The following FAAH2 variants were observed in gnomAD, a reference collection of about 807,000 sequenced individuals.
FAAH2 encodes fatty acid amide hydrolase 2.
A neutral mutation model predicts 36.9 loss-of-function variants in FAAH2; 60 were observed. The observed-to-expected ratio is 1.63, with a 90% CI of 1.32 to 2.02. FAAH2 has a LOEUF of 2.02. FAAH2 is among the 30% of genes most tolerant of loss of function. FAAH2 has a pLI of 0.00. For missense variants in FAAH2, 689 were observed against 397.5 expected (o/e 1.73, Z -6.23); for synonymous variants, 214 against 143.8 (o/e 1.49, Z -3.49).
chrX:57,180,218 A>G, the FAAH2 span, among the ~76,000 whole-genome samples: 4 of 111,753 alleles, frequency 3.6e-5, no homozygotes, highest in Non-Finnish European at 5.6e-5. Context: ...AGTAGCAAAA[A>G]CAAATGAACC....
chrX:57,123,497 T>C, the FAAH2 span, among the ~76,000 whole-genome samples: 13 of 112,581 alleles, frequency 1.2e-4, no homozygotes, highest in African/African-American at 3.9e-4. Flanking sequence ...GCATGACTTA[T>C]AATCCTTTGG....
Position 57,448,615 on chromosome X carries a change from G to A in FAAH2, c.1320G>A (p.Val440=), listed in dbSNP as rs2056727751. ...AVEESLRKEL[V]DMLGDDGVFL... ...AAGAAAGCCTGCGTAAAGAGCTGGT[G>A]GATATGCTAGGTGATGATGGTGTGT... The change falls in exon 10 of 11, where the codon GTG becomes GTA. Residue 440 remains valine (V), a synonymous_variant. Transcript: ENST00000374900. The A allele has an allele frequency of 7.4e-6, 9 of 1,209,485 alleles. No individual in the cohort carries two copies. The highest frequency in any genetic ancestry group is 7.8e-6 in the Non-Finnish European group (7 of 894,883).
intron 5 of FAAH2, among the ~76,000 whole-genome samples, chrX:57,342,805 C>G (rs2053720413): frequency 9.0e-6 from 1 of 111,006 alleles, no homozygotes; most frequent in African/African-American, 3.3e-5. Context: ...GCTCTGGTTT[C>G]TCTTGTTTTC....
chrX:57,130,056 G>C, the FAAH2 span, among the ~76,000 whole-genome samples: 1 of 112,391 alleles, frequency 8.9e-6, no homozygotes, highest in Non-Finnish European at 1.9e-5. Context: ...AAATACAGTT[G>C]AGCTTTGGAG....
intron 7 of FAAH2, among the ~76,000 whole-genome samples, chrX:57,407,361 C>A (rs776447182): frequency 8.1e-5 from 9 of 111,782 alleles, no homozygotes; most frequent in Non-Finnish European, 1.5e-4. Context: ...AGTGTTCTGC[C>A]CCCAGGAAGT....
chrX:57,314,036 G>A (rs941262430), intron 3 of FAAH2, among the ~76,000 whole-genome samples: 1 of 111,884 alleles, frequency 8.9e-6, no homozygotes, highest in African/African-American at 3.2e-5. Flanking sequence ...GTGAAAGGAT[G>A]TAGGAAGATC....
At chrX:57,379,585 CATT>C (rs1222605601) in intron 6 of FAAH2, among the ~76,000 whole-genome samples, 5 of 108,737 alleles carry the variant, frequency 4.6e-5, no homozygotes, top group Admixed American at 3.0e-4. Context: ...GCACCCTTCT[CATT>C]ATTATTAAGC....
At chrX:57,245,779 G>A in the FAAH2 span, among the ~76,000 whole-genome samples, 1 of 112,355 alleles carries the variant, frequency 8.9e-6, no homozygotes, top group Non-Finnish European at 1.9e-5. Flanking sequence ...AAGTGGGAAA[G>A]ATCTAAAATT....
chrX:57,469,687 C>T (rs1323838589), intron 10 of FAAH2, among the ~76,000 whole-genome samples: 1 of 111,435 alleles, frequency 9.0e-6, no homozygotes, highest in Admixed American at 9.5e-5. Context: ...TTAGACAGAT[C>T]AGTGAGACAG....
chrX:57,422,892 G>A (rs1026954050), intron 7 of FAAH2, among the ~76,000 whole-genome samples: 2 of 112,601 alleles, frequency 1.8e-5, no homozygotes. Context: ...GGACATAAAA[G>A]TGAAATAAAC....
At chrX:57,486,833 G>A (rs2057482316) in intron 10 of FAAH2, among the ~76,000 whole-genome samples, 1 of 111,787 alleles carries the variant, frequency 8.9e-6, no homozygotes, top group African/African-American at 3.2e-5. Flanking sequence ...TATCTGTTCT[G>A]TGGCTGGAGG....
At chrX:57,183,219 T>C in the FAAH2 span, among the ~76,000 whole-genome samples, 1 of 111,466 alleles carries the variant, frequency 9.0e-6, no homozygotes, top group African/African-American at 3.3e-5. Flanking sequence ...AAAATAAAAT[T>C]TTAAAAAATC....
chrX:57,270,714 C>G, the FAAH2 span, among the ~76,000 whole-genome samples: 2 of 111,479 alleles, frequency 1.8e-5, no homozygotes, highest in Non-Finnish European at 3.8e-5. Context: ...GTTGCCTCAC[C>G]TGGGAAGTGC....
chrX:57,454,969 C>A (rs1354438521), intron 10 of FAAH2, among the ~76,000 whole-genome samples: 2 of 111,089 alleles, frequency 1.8e-5, no homozygotes, highest in Non-Finnish European at 3.8e-5. Context: ...AGATACTACA[C>A]AAGATGACAA....
the FAAH2 span, among the ~76,000 whole-genome samples, chrX:57,224,399 G>A: frequency 9.0e-6 from 1 of 111,343 alleles, no homozygotes; most frequent in East Asian, 2.8e-4. Context: ...AGTAATTATT[G>A]AGTAAGTGGT....
the FAAH2 span, among the ~76,000 whole-genome samples, chrX:57,219,636 T>C: frequency 1.8e-5 from 2 of 111,797 alleles, no homozygotes; most frequent in African/African-American, 6.5e-5. Flanking sequence ...CTAAGCCATT[T>C]AATCCTGTTC....
intron 10 of FAAH2, among the ~76,000 whole-genome samples, chrX:57,485,751 T>A (rs1292638941): frequency 8.9e-6 from 1 of 112,142 alleles, no homozygotes; most frequent in Non-Finnish European, 1.9e-5. Flanking sequence ...GGGTCCATAA[T>A]TAGAGGTTTA....
chrX:57,162,257 A>T, the FAAH2 span, among the ~76,000 whole-genome samples: 4 of 111,555 alleles, frequency 3.6e-5, no homozygotes, highest in East Asian at 1.1e-3. Flanking sequence ...CTTCCCTTTG[A>T]GGGTAACCCA....
At chrX:57,365,135 TG>T (rs1295184526) in intron 5 of FAAH2, among the ~76,000 whole-genome samples, 2 of 111,719 alleles carry the variant, frequency 1.8e-5, no homozygotes, top group Non-Finnish European at 3.8e-5. Context: ...GTCAATGGCA[TG>T]TTGATGTCTT....
Sources: gnomAD v4.1 joint callset for allele counts (sites outside exome capture counted in the v4.1 genomes callset) on GRCh38, gnomAD v4.1.1 for gene constraint, MANE v1.5 for transcripts, NCBI Gene and HGNC (gene_info 2026-07-23, HGNC 2026-07-21) for gene names.